REL: variants seen among roughly 807,000 people sequenced by gnomAD.
REL encodes proto-oncogene c-Rel.
REL carries 15 observed loss-of-function variants against 45.9 expected under a neutral mutation model. The observed-to-expected ratio is 0.33, with a 90% CI of 0.22 to 0.50. REL has a LOEUF of 0.50. REL is among the 20% of genes least tolerant of loss of function. The pLI is 0.98. For missense variants in REL, 601 were observed against 715.2 expected (o/e 0.84, Z 1.82); for synonymous variants, 239 against 242.1 (o/e 0.99, Z 0.12).
intron 3 of REL, among the ~76,000 whole-genome samples, chr2:60,895,355 T>C (rs1006822636): frequency 1.3e-5 from 2 of 152,072 alleles, no homozygotes; most frequent in African/African-American, 4.8e-5. Context: ...CTAATTTTTG[T>C]ATTTTTTGTA....
Position 60,891,747 on chromosome 2 carries a change from C to T in REL, c.75C>T (p.Tyr25=). 4.3e-6 allele frequency: 7 copies of T among 1,613,946 alleles called. No homozygotes were observed. Among genetic ancestry groups the T allele is most frequent in the Non-Finnish European group, 5.1e-6 (6 of 1,179,944 alleles). ...QPRQRGMRFR[Y]KCEGRSAGSI... ...GGCAGAGGGGAATGCGTTTTAGATA[C>T]AAATGTGAAGGGCGATCAGCAGGCA... is the stretch of plus-strand genomic sequence containing the variant. Residue 25 remains tyrosine, a synonymous_variant, in exon 2 of 10, where the codon TAC becomes TAT. Coordinates refer to ENST00000394479, the MANE Select transcript of REL (RefSeq NM_001291746.2).
At chr2:60,906,122 C>G (rs908185872) in intron 4 of REL, among the ~76,000 whole-genome samples, 1 of 152,180 alleles carries the variant, frequency 6.6e-6, no homozygotes, top group African/African-American at 2.4e-5. Flanking sequence ...ACCATCATAT[C>G]TTGTGAGACT....
chr2:60,895,633 T>G (rs1673329062), intron 3 of REL, among the ~76,000 whole-genome samples: 1 of 152,238 alleles, frequency 6.6e-6, no homozygotes, highest in African/African-American at 2.4e-5. Flanking sequence ...ATAGTGAGGC[T>G]ACCAGAAGAT....
At chr2:60,907,435 C>G (rs1673691487) in intron 4 of REL, among the ~76,000 whole-genome samples, 1 of 151,744 alleles carries the variant, frequency 6.6e-6, no homozygotes. Flanking sequence ...TCACTTGAGT[C>G]TAGTTCGAGA....
intron 4 of REL, among the ~76,000 whole-genome samples, chr2:60,904,990 T>G (rs1282198848): frequency 6.6e-6 from 1 of 152,182 alleles, no homozygotes; most frequent in African/African-American, 2.4e-5. Context: ...AGGTCATGGT[T>G]TTAACAACTC....
Position 60,925,048 on chromosome 2 carries a change from A to G in REL, c.*2513A>G. The G allele has an allele frequency of 5.0e-6, 1 of 199,378 alleles. No homozygotes were observed. Among genetic ancestry groups the G allele is most frequent in the South Asian group, 1.9e-4 (1 of 5,262 alleles). 12.4% of individuals were successfully genotyped at this position (199,378 alleles called of 1,614,324 possible). On this transcript the variant is annotated 3_prime_UTR_variant, in exon 10 of 10. Transcript: ENST00000394479. Reference sequence around the variant, plus strand: ...TTTTGCCCTTTTATTTCCCAAAGACATTGTAAGGGTTAATTAGATCATTAT... The same window carrying G: ...TTTTGCCCTTTTATTTCCCAAAGACGTTGTAAGGGTTAATTAGATCATTAT...
chr2:60,892,974 C>T (rs1673257785), intron 2 of REL, among the ~76,000 whole-genome samples: 1 of 152,124 alleles, frequency 6.6e-6, no homozygotes, highest in Non-Finnish European at 1.5e-5. Context: ...AGGATGGTCT[C>T]AATCTCCTGA....
chr2:60,907,087 T>A (rs1673682907), intron 4 of REL, among the ~76,000 whole-genome samples: 1 of 150,400 alleles, frequency 6.6e-6, no homozygotes, highest in African/African-American at 2.4e-5. Flanking sequence ...GCCCAGCTAA[T>A]TTTTTTTGTA....
intron 4 of REL, among the ~76,000 whole-genome samples, chr2:60,911,994 C>CAAAA (rs763342298): frequency 1.3e-4 from 5 of 37,300 alleles, no homozygotes; most frequent in East Asian, 7.7e-4. Context: ...AAGACTGTCT[C>CAAAA]AAAAAAAAAA....
intron 4 of REL, 67 bp downstream of exon 4, chr2:60,901,150 C>CTTT (rs10565258): frequency 5.8e-5 from 53 of 915,716 alleles, no homozygotes; most frequent in East Asian, 2.0e-4. Context: ...TTTTCTTTCT[C>CTTT]TTTTTTTTTT....
chr2:60,921,802 T>C lies in REL; in HGVS notation c.1031T>C (p.Met344Thr). 6.2e-7 allele frequency: 1 copy of C among 1,613,680 alleles called. No homozygotes were observed. Among genetic ancestry groups the C allele is most frequent in the Non-Finnish European group, 8.5e-7 (1 of 1,179,690 alleles). The change falls in exon 10 of 10, where the codon ATG (methionine) becomes ACG (threonine). Residue 344 changes from methionine (M) to threonine (T), a missense_variant. Physicochemically the swap from Met to Thr is moderately conservative, Grantham distance 81 (BLOSUM62 -1). This residue lies in a region of REL where 334 missense variants were observed against 333.1 expected (regional missense o/e 1.00). Coordinates refer to ENST00000394479, the MANE Select transcript of REL (RefSeq NM_001291746.2). ...TCTCATGATGCAGTTGTGAGAGAAA[T>C]GCCTACAGGGGTTTCAAGTCAAGCA... ...LFSHDAVVRE[M>T]PTGVSSQAES... is the part of the protein sequence containing the mutation.
At chr2:60,911,683 C>G (rs1673817520) in intron 4 of REL, among the ~76,000 whole-genome samples, 1 of 151,996 alleles carries the variant, frequency 6.6e-6, no homozygotes, top group African/African-American at 2.4e-5. Flanking sequence ...ATTCCGTGTT[C>G]TCTAATAGTA....
chr2:60,891,915 G>C (rs1296766936), intron 2 of REL, 90 bp downstream of exon 2: 3 of 1,222,648 alleles, frequency 2.5e-6, no homozygotes, highest in South Asian at 3.9e-5. Flanking sequence ...TTTCTTCACA[G>C]TCATCTCCAC....
chr2:60,890,637 A>T (rs1020725375), intron 1 of REL, among the ~76,000 whole-genome samples: 1 of 152,178 alleles, frequency 6.6e-6, no homozygotes, highest in African/African-American at 2.4e-5. Context: ...CACAATTTGG[A>T]TAATAAAAGT....
intron 3 of REL, among the ~76,000 whole-genome samples, chr2:60,897,316 CT>C (rs1183189104): frequency 2.8e-5 from 4 of 144,664 alleles, no homozygotes; most frequent in African/African-American, 1.0e-4. Flanking sequence ...TTTTTTTTTC[CT>C]TTTTTTTTGA....
rs1673481173 is a variant in REL at position 60,901,083 on chromosome 2, GGTAA to G, written c.394+4_394+7del. 1 of 1,577,230 alleles carries G rather than the reference GGTAA, an allele frequency of 6.3e-7. No individual in the cohort carries two copies. Among genetic ancestry groups the G allele is most frequent in the African/African-American group, 1.4e-5 (1 of 72,032 alleles). ...AAAGGCAGGAATCAATCCATTCAAT[GGTAA>G]GTATGTTTGATAAAATCATTTCTAT... On this transcript the variant is annotated splice_donor_variant and splice_donor_region_variant and intron_variant, in intron 4 of 9. Transcript: ENST00000394479. LOFTEE classifies it high-confidence loss of function.
intron 3 of REL, among the ~76,000 whole-genome samples, chr2:60,895,181 A>G (rs1044653026): frequency 2.0e-5 from 3 of 150,028 alleles, no homozygotes; most frequent in Non-Finnish European, 3.0e-5. Flanking sequence ...TTTATAGTTA[A>G]CTTATTATTA....
At position 60,930,260 on chromosome 2, in the gene REL, T is replaced by G. The variant is rs1369998821; in HGVS notation, c.*7725T>G. ...TAAACCAATATCTGTATATCCTATG[T>G]CCCGGATTAATCTTTAATTTAGATA... On this transcript the variant is annotated 3_prime_UTR_variant, in exon 10 of 10. Coordinates refer to ENST00000394479, the MANE Select transcript of REL (RefSeq NM_001291746.2). The G allele has an allele frequency of 1.3e-5, 2 of 152,364 alleles. No homozygotes were observed. The highest frequency in any genetic ancestry group is 4.8e-5 in the African/African-American group (2 of 41,460). The allele number at this position is 152,364 out of a possible 1,614,324, so 9.4% of individuals were successfully genotyped here.
rs1202302760 is a variant in REL at position 60,924,017 on chromosome 2, C to T, written c.*1482C>T. The T allele has an allele frequency of 4.3e-6, 1 of 232,734 alleles. No individual in the cohort carries two copies. Among genetic ancestry groups the T allele is most frequent in the African/African-American group, 2.2e-5 (1 of 45,298 alleles). 14.4% of individuals were successfully genotyped at this position (232,734 alleles called of 1,614,324 possible). On this transcript the variant is annotated 3_prime_UTR_variant, in exon 10 of 10. Coordinates refer to ENST00000394479, the MANE Select transcript of REL (RefSeq NM_001291746.2). Reference sequence around the variant, plus strand: ...CTCATGCAGCTCCAGGCACCTTGGCCTCAGTGCTCCTCAAAGCATCAAGTA... The same window carrying T: ...CTCATGCAGCTCCAGGCACCTTGGCTTCAGTGCTCCTCAAAGCATCAAGTA...
Sources: gnomAD v4.1 joint callset for allele counts (sites outside exome capture counted in the v4.1 genomes callset) on GRCh38, gnomAD v4.1.1 for gene constraint, gnomAD v4.1.1 regional missense constraint, MANE v1.5 for transcripts, NCBI Gene and HGNC (gene_info 2026-07-23, HGNC 2026-07-21) for gene names.